SYT1: variants seen among roughly 807,000 people sequenced by gnomAD.
The protein encoded by SYT1 is synaptotagmin-1.
A neutral mutation model predicts 44.8 loss-of-function variants in SYT1; 8 were observed. The observed-to-expected ratio is 0.18, with a 90% confidence interval of 0.10 to 0.32. The LOEUF (loss-of-function observed/expected upper bound fraction) is 0.32, where lower values mean the gene tolerates loss of function less well. Ranked by LOEUF, SYT1 falls within the 10% of genes least tolerant of loss-of-function variation. The pLI, the probability that SYT1 is intolerant of heterozygous loss-of-function variation, is 1.00. For synonymous variants in SYT1, 154 were observed against 188.8 expected (o/e 0.82, Z 1.51); for missense variants, 286 against 509.3 (o/e 0.56, Z 4.22).
At chr12:79,344,050 A>G (rs1177417348) in intron 8 of SYT1, among the ~76,000 whole-genome samples, 1 of 152,228 alleles carries the variant, frequency 6.6e-6, no homozygotes, top group African/African-American at 2.4e-5. Flanking sequence ...ATGGAAATAT[A>G]TGATTTCCCA....
intron 4 of SYT1, among the ~76,000 whole-genome samples, chr12:79,231,225 G>C (rs1188360626): frequency 2.0e-5 from 3 of 152,072 alleles, no homozygotes; most frequent in Non-Finnish European, 4.4e-5. Flanking sequence ...CTTTATTTTT[G>C]TTTGTTTTGA....
At chr12:79,249,708 C>A (rs2138687438) in intron 4 of SYT1, among the ~76,000 whole-genome samples, 1 of 152,248 alleles carries the variant, frequency 6.6e-6, no homozygotes, top group South Asian at 2.1e-4. Flanking sequence ...AGCAGCCCAG[C>A]CTTGGTGATG....
chr12:79,208,203 T>A (rs1014004341), intron 3 of SYT1, among the ~76,000 whole-genome samples: 1 of 152,172 alleles, frequency 6.6e-6, no homozygotes, highest in Non-Finnish European at 1.5e-5. Context: ...AAGATAACTA[T>A]GAGTTGTAAT....
intron 1 of SYT1, among the ~76,000 whole-genome samples, chr12:78,967,717 C>T (rs910578809): frequency 1.3e-5 from 2 of 151,930 alleles, no homozygotes; most frequent in African/African-American, 4.8e-5. Flanking sequence ...AGTAAAGAGA[C>T]CAGCAGCAAA....
intron 1 of SYT1, among the ~76,000 whole-genome samples, chr12:78,865,710 C>T (rs115085967): frequency 0.016 from 2,501 of 152,192 alleles, 66 homozygotes; most frequent in African/African-American, 0.056. Context: ...ACTTGATTTC[C>T]TCCTTGCAAG....
chr12:78,959,073 C>T (rs1476572568), intron 1 of SYT1, among the ~76,000 whole-genome samples: 1 of 152,078 alleles, frequency 6.6e-6, no homozygotes, highest in African/African-American at 2.4e-5. Context: ...AGCCCATTTG[C>T]ATTCAGCTGA....
intron 9 of SYT1, chr12:79,419,152 A>G (rs1868939827): frequency 7.1e-6 from 3 of 420,088 alleles, no homozygotes; most frequent in East Asian, 7.1e-5. Context: ...CCTTTTCTCT[A>G]TGTAGAAGGG....
chr12:79,289,531 C>G (rs1321111150), intron 5 of SYT1, among the ~76,000 whole-genome samples: 1 of 152,078 alleles, frequency 6.6e-6, no homozygotes, highest in East Asian at 1.9e-4. Flanking sequence ...GATGGTCCTG[C>G]CTTCTATTCA....
At chr12:79,061,501 T>A (rs1875382658) in intron 3 of SYT1, among the ~76,000 whole-genome samples, 1 of 152,118 alleles carries the variant, frequency 6.6e-6, no homozygotes, top group Non-Finnish European at 1.5e-5. Context: ...AGGCTGCTGC[T>A]CTGTCACCTC....
At chr12:79,232,387 C>G (rs1229297343) in intron 4 of SYT1, among the ~76,000 whole-genome samples, 2 of 152,164 alleles carry the variant, frequency 1.3e-5, no homozygotes, top group African/African-American at 2.4e-5. Flanking sequence ...TGCATATGCT[C>G]TAGCCTCCTC....
intron 1 of SYT1, among the ~76,000 whole-genome samples, chr12:78,888,802 C>T (rs1256497778): frequency 6.6e-6 from 1 of 151,892 alleles, no homozygotes; most frequent in Non-Finnish European, 1.5e-5. Context: ...CTCCTCCTTC[C>T]TCCTGCTCAC....
At chr12:79,323,722 A>G (rs905564916) in intron 8 of SYT1, among the ~76,000 whole-genome samples, 7 of 151,950 alleles carry the variant, frequency 4.6e-5, no homozygotes, top group African/African-American at 1.5e-4. Flanking sequence ...TACTGATACT[A>G]TGACTTCATG....
chr12:79,009,157 T>C (rs887501226), intron 2 of SYT1, among the ~76,000 whole-genome samples: 2 of 152,156 alleles, frequency 1.3e-5, no homozygotes, highest in East Asian at 1.9e-4. Context: ...TGTTATGAAA[T>C]ACAAAACAAT....
rs534563724 is a variant in SYT1 at position 78,956,604 on chromosome 12, T to C, written c.-216-21195T>C. 4.6e-5 allele frequency among the ~76,000 whole-genome samples: 7 copies of C among 152,174 alleles called. No individual in the cohort carries two copies. The South Asian group carries it at 1.4e-3, about 32-fold the overall frequency. On this transcript the variant is annotated intron_variant, in intron 1 of 10. Coordinates refer to ENST00000261205, the MANE Select transcript of SYT1 (RefSeq NM_005639.3). Reference sequence around the variant, plus strand: ...TCAAAAATGAAAAAAAAAAAGTGTTTATTGTCAAAAATAATGACATTTGTG... The same window carrying C: ...TCAAAAATGAAAAAAAAAAAGTGTTCATTGTCAAAAATAATGACATTTGTG...
intron 9 of SYT1, among the ~76,000 whole-genome samples, chr12:79,361,837 C>T (rs1366400222): frequency 1.3e-5 from 2 of 152,128 alleles, no homozygotes; most frequent in Non-Finnish European, 2.9e-5. Context: ...ATTTGAGTGC[C>T]TTTTAGAGAT....
chr12:79,053,307 T>C (rs2137802873), intron 3 of SYT1, among the ~76,000 whole-genome samples: 1 of 151,862 alleles, frequency 6.6e-6, no homozygotes, highest in East Asian at 1.9e-4. Context: ...AATTGAACAA[T>C]GAGAACACAT....
intron 3 of SYT1, among the ~76,000 whole-genome samples, chr12:79,175,752 T>G (rs1871818001): frequency 6.6e-6 from 1 of 152,026 alleles, no homozygotes; most frequent in African/African-American, 2.4e-5. Flanking sequence ...AGTTTACCCA[T>G]GTGGAACCAT....
At position 78,949,325 on chromosome 12, in the gene SYT1, TG is replaced by T. The variant is rs149007876; in HGVS notation, c.-216-28471del. ...AATAGTCAAGATGGCTATATTAAAA[TG>T]GGTGTGAAATAAAGTTTTATTACTT... On this transcript the variant is annotated intron_variant, in intron 1 of 10. Coordinates refer to ENST00000261205, the MANE Select transcript of SYT1 (RefSeq NM_005639.3). Among the ~76,000 whole-genome samples the T allele has an allele frequency of 7.6e-4, 115 of 151,958 alleles. 3 individuals carry two copies. In the East Asian group the frequency reaches 0.02, roughly 27 times the overall value.
At chr12:79,438,953 T>G (rs1160930966) in intron 9 of SYT1, among the ~76,000 whole-genome samples, 4 of 152,158 alleles carry the variant, frequency 2.6e-5, no homozygotes, top group African/African-American at 9.7e-5. Flanking sequence ...TATAGAGTTT[T>G]CTCAGAGTAG....
Sources: allele counts gnomAD v4.1 joint callset (sites outside exome capture counted in the v4.1 genomes callset), GRCh38; gene constraint gnomAD v4.1.1; transcripts MANE v1.5; gene names NCBI Gene and HGNC (gene_info 2026-07-23, HGNC 2026-07-21).